Variants in GALK2 observed in about 807,000 individuals in gnomAD.
GALK2 encodes the protein galactokinase 2, also known as N-acetylgalactosamine kinase.
In GALK2, 36 loss-of-function variants were observed where a neutral mutation model predicts 52.4. That is an observed-to-expected ratio of 0.69 (90% CI 0.53 to 0.91). The LOEUF (loss-of-function observed/expected upper bound fraction) is 0.91. Among genes scored for constraint, GALK2 ranks in the 40% least tolerant of loss-of-function variants. The pLI, the probability that GALK2 is intolerant of heterozygous loss-of-function variation, is 0.00. For synonymous variants in GALK2, 176 were observed against 199.1 expected (o/e 0.88, Z 0.98); for missense variants, 579 against 559.1 (o/e 1.04, Z -0.36).
intron 1 of GALK2, among the ~76,000 whole-genome samples, chr15:49,157,655 T>G (rs1244195384): frequency 1.5e-3 from 224 of 152,140 alleles, no homozygotes; most frequent in Non-Finnish European, 4.4e-5. Context: ...TGAAATTTGG[T>G]GATTATATAT....
intron 1 of GALK2, among the ~76,000 whole-genome samples, chr15:49,198,122 C>T (rs1280402629): frequency 6.6e-6 from 1 of 152,188 alleles, no homozygotes; most frequent in Non-Finnish European, 1.5e-5. Flanking sequence ...ACTATCCTGA[C>T]ACAAGCTAAA....
intron 3 of GALK2, among the ~76,000 whole-genome samples, chr15:49,360,741 A>G (rs2044080082): frequency 6.6e-6 from 1 of 152,184 alleles, no homozygotes; most frequent in Admixed American, 6.6e-5. Context: ...AACTCCAAAG[A>G]TCATCCAAAA....
intron 3 of GALK2, among the ~76,000 whole-genome samples, chr15:49,355,298 C>CGTT (rs2042955632): frequency 6.6e-6 from 1 of 152,054 alleles, no homozygotes; most frequent in East Asian, 1.9e-4. Context: ...CTCTGAGCTA[C>CGTT]GGGAGGACAT....
intron 1 of GALK2, among the ~76,000 whole-genome samples, chr15:49,192,599 G>A (rs1351426249): frequency 6.8e-6 from 1 of 147,814 alleles, no homozygotes; most frequent in Admixed American, 6.8e-5. Flanking sequence ...ATGTATTTTT[G>A]TTAGACAATG....
chr15:49,167,097 CTTTCA>C (rs2084847438), upstream of GALK2, among the ~76,000 whole-genome samples: 1 of 152,058 alleles, frequency 6.6e-6, no homozygotes. Flanking sequence ...TTTTTGTATT[CTTTCA>C]TTTTAGTGTT....
chr15:49,236,132 A>C (rs1050256236), intron 4 of GALK2, among the ~76,000 whole-genome samples, 191 bp downstream of exon 4: 5 of 152,210 alleles, frequency 3.3e-5, no homozygotes, highest in Admixed American at 2.0e-4. Flanking sequence ...AGGGGGCAGT[A>C]GTGGTTTTTA....
chr15:49,283,197 A>G (rs1436979708), intron 6 of GALK2, among the ~76,000 whole-genome samples: 1 of 152,182 alleles, frequency 6.6e-6, no homozygotes, highest in Non-Finnish European at 1.5e-5. Flanking sequence ...TTCATCTTTT[A>G]GAACTCAGTT....
At chr15:49,234,678 A>G (rs969939562) in intron 3 of GALK2, among the ~76,000 whole-genome samples, 8 of 152,122 alleles carry the variant, frequency 5.3e-5, no homozygotes, top group Non-Finnish European at 1.2e-4. Context: ...TCAGTTACCT[A>G]CCATCAGGTC....
chr15:49,218,119 G>T (rs571670369), intron 3 of GALK2, among the ~76,000 whole-genome samples: 11 of 152,228 alleles, frequency 7.2e-5, no homozygotes, highest in Non-Finnish European at 1.3e-4. Context: ...TTGTTCATTG[G>T]TTAGTTTATC....
intron 8 of GALK2, among the ~76,000 whole-genome samples, chr15:49,295,813 A>G (rs2034424126): frequency 6.6e-6 from 1 of 152,196 alleles, no homozygotes; most frequent in African/African-American, 2.4e-5. Context: ...AAAGCTTAAT[A>G]TAATTCTTAT....
chr15:49,187,899 G>A (rs952746873), intron 1 of GALK2, among the ~76,000 whole-genome samples: 5 of 152,066 alleles, frequency 3.3e-5, no homozygotes, highest in Non-Finnish European at 7.4e-5. Flanking sequence ...CTAGAATTGT[G>A]GACCCCAGGA....
chr15:49,177,588 A>G (rs146851834), intron 1 of GALK2: 12 of 177,992 alleles, frequency 6.7e-5, no homozygotes, highest in African/African-American at 2.8e-4. Flanking sequence ...CAACTTTACA[A>G]ACATTACTTA....
intron 3 of GALK2, among the ~76,000 whole-genome samples, chr15:49,338,222 C>T (rs2040096553): frequency 1.3e-5 from 2 of 152,124 alleles, no homozygotes; most frequent in South Asian, 4.1e-4. Context: ...TTCTTTATAG[C>T]ATTGATGGTC....
rs142013162 is a variant in GALK2, at chr15:49,257,220, A to G, written c.504+17853A>G. ...TGCTAATAGGCTTTGTCTGTTATAT[A>G]CAGACATAAATCCCATAAATTTAAG... On this transcript the variant is annotated intron_variant, in intron 5 of 9. Coordinates refer to ENST00000560031, the MANE Select transcript of GALK2 (RefSeq NM_002044.4). 6.7e-3 allele frequency among the ~76,000 whole-genome samples: 1,024 copies of G among 152,274 alleles called. 16 individuals carry two copies. The highest frequency in any genetic ancestry group is 4.8e-3 in the Non-Finnish European group (327 of 68,014).
At chr15:49,300,734 C>T (rs932467468) in intron 8 of GALK2, among the ~76,000 whole-genome samples, 2 of 152,116 alleles carry the variant, frequency 1.3e-5, no homozygotes, top group African/African-American at 2.4e-5. Context: ...GGCACTTCTC[C>T]TTGCTGCCAC....
chr15:49,321,940 G>A (rs2036906160), intron 9 of GALK2, among the ~76,000 whole-genome samples: 1 of 152,204 alleles, frequency 6.6e-6, no homozygotes, highest in Non-Finnish European at 1.5e-5. Context: ...AGAGTAGGAT[G>A]AAAAGTGGGC....
At chr15:49,209,676 GGA>G (rs1438278094) in intron 2 of GALK2, among the ~76,000 whole-genome samples, 4 of 151,990 alleles carry the variant, frequency 2.6e-5, no homozygotes, top group Non-Finnish European at 5.9e-5. Flanking sequence ...TGCATTTCTA[GGA>G]TTAATCCCAC....
In GALK2 at chr15:49,295,707, G is replaced by A. The variant is rs576935763; in HGVS notation, c.967+3170G>A. 5.3e-5 allele frequency among the ~76,000 whole-genome samples: 8 copies of A among 152,276 alleles called. No homozygotes were observed. In the South Asian group the frequency reaches 1.7e-3, roughly 32 times the overall value. On this transcript the variant is annotated intron_variant, in intron 8 of 9. Coordinates refer to ENST00000560031, the MANE Select transcript of GALK2 (RefSeq NM_002044.4). The stretch of plus-strand genomic sequence containing the variant: ...GGACCATTCCACTTACTAATTGGAA[G>A]CTTGGTCTTCCCTCTGGGCTTTTAA...
At chr15:49,333,290 T>A (rs921134758), downstream of GALK2, among the ~76,000 whole-genome samples, 1 of 152,216 alleles carries the variant, frequency 6.6e-6, no homozygotes, top group Non-Finnish European at 1.5e-5. Context: ...CTCATGAGTA[T>A]CTCTTTTGAA....
Sources: gnomAD v4.1 joint callset for allele counts (sites outside exome capture counted in the v4.1 genomes callset) on GRCh38, gnomAD v4.1.1 for gene constraint, MANE v1.5 for transcripts, NCBI Gene and HGNC (gene_info 2026-07-23, HGNC 2026-07-21) for gene names.